The following AIG1 variants were observed in gnomAD, a reference collection of about 807,000 sequenced individuals.
The protein encoded by AIG1 is androgen induced 1.
In AIG1, 23 loss-of-function variants were observed where a neutral mutation model predicts 31.4. The observed-to-expected ratio is 0.73, with a 90% CI of 0.53 to 1.04. AIG1 has a LOEUF of 1.04. Ranked by LOEUF, AIG1 falls within the 50% of genes least tolerant of loss-of-function variation. The pLI is 0.00. For missense variants in AIG1, 274 were observed against 295.0 expected, an observed-to-expected ratio of 0.93 and a Z score of 0.52; for synonymous variants, 100 against 110.5, an observed-to-expected ratio of 0.90 and a Z score of 0.60.
At chr6:143,192,881 G>A (rs1296128350) in intron 3 of AIG1, among the ~76,000 whole-genome samples, 2 of 152,226 alleles carry the variant, frequency 1.3e-5, no homozygotes, top group African/African-American at 2.4e-5. Context: ...TGGATCTGGA[G>A]AGTGGAGTAC....
chr6:143,187,465 C>T (rs1012347567), intron 3 of AIG1: 39 of 1,535,324 alleles, frequency 2.5e-5, no homozygotes, highest in Admixed American at 9.8e-5. Context: ...GTTTGGCACT[C>T]GACACTCTGC....
intron 3 of AIG1, among the ~76,000 whole-genome samples, chr6:143,222,556 C>G (rs1792612855): frequency 6.6e-6 from 1 of 152,158 alleles, no homozygotes; most frequent in Admixed American, 6.5e-5. Context: ...TTGACCTTCC[C>G]TGGGCCTTAG....
intron 2 of AIG1, among the ~76,000 whole-genome samples, chr6:143,148,198 A>C (rs1784863943): frequency 6.6e-6 from 1 of 152,050 alleles, no homozygotes; most frequent in East Asian, 1.9e-4. Context: ...TGGTCCCATA[A>C]GATTATAAAC....
intron 5 of AIG1, chr6:143,335,161 G>A (rs1165356411): frequency 1.5e-6 from 2 of 1,345,844 alleles, no homozygotes; most frequent in East Asian, 5.9e-5. Flanking sequence ...ACAAACTGCT[G>A]GCCTCCCCCA....
intron 1 of AIG1, among the ~76,000 whole-genome samples, chr6:143,119,288 T>C (rs977913320): frequency 6.6e-6 from 1 of 152,224 alleles, no homozygotes; most frequent in Non-Finnish European, 1.5e-5. Flanking sequence ...AACCTTGCGG[T>C]GCATCTCTTT....
chr6:143,119,494 T>C (rs995140393), intron 1 of AIG1, among the ~76,000 whole-genome samples: 3 of 152,220 alleles, frequency 2.0e-5, no homozygotes, highest in East Asian at 1.9e-4. Flanking sequence ...ATGCATACTT[T>C]GGAAGTGAAC....
chr6:143,104,267 C>G (rs1356843433), intron 1 of AIG1, among the ~76,000 whole-genome samples: 2 of 152,186 alleles, frequency 1.3e-5, no homozygotes, highest in Non-Finnish European at 2.9e-5. Flanking sequence ...AGTTACCGTG[C>G]TTAGAGCCTA....
rs1798556353 is a variant in AIG1 at position 143,298,001 on chromosome 6, T to C, written c.515+13776T>C. Among the ~76,000 whole-genome samples the C allele has an allele frequency of 6.6e-6, 1 of 151,968 alleles. No individual in the cohort carries two copies. The highest frequency in any genetic ancestry group is 6.6e-5 in the Admixed American group (1 of 15,246). On this transcript the variant is annotated intron_variant, in intron 4 of 5. Transcript: ENST00000357847. This position sits in a 1 kb window ranked among gnomAD's most constrained non-coding sequence, Gnocchi z 5.1. Reference sequence around the variant, plus strand: ...CATAAATTAAAATGATGCATAAATTTACAGGTAAAAATACAAATCATTTTG... The same window carrying C: ...CATAAATTAAAATGATGCATAAATTCACAGGTAAAAATACAAATCATTTTG...
chr6:143,085,950 A>G (rs1323355665), intron 1 of AIG1, among the ~76,000 whole-genome samples: 1 of 152,262 alleles, frequency 6.6e-6, no homozygotes, highest in Non-Finnish European at 1.5e-5. Flanking sequence ...ATGTTAAATC[A>G]ACTTTTTCTA....
intron 1 of AIG1, among the ~76,000 whole-genome samples, chr6:143,096,902 A>C (rs545362029): frequency 3.5e-4 from 53 of 152,186 alleles, no homozygotes; most frequent in Non-Finnish European, 5.3e-4. Context: ...ATTTTTATTG[A>C]AAGTCAACCT....
intron 1 of AIG1, chr6:143,094,470 T>G (rs1779574653): frequency 6.6e-6 from 1 of 152,226 alleles, no homozygotes; most frequent in Non-Finnish European, 1.5e-5. Flanking sequence ...CTGTAGTTTC[T>G]ATTTTATGTA....
downstream of AIG1, chr6:143,342,958 A>C: frequency 2.0e-6 from 2 of 985,964 alleles, no homozygotes; most frequent in Non-Finnish European, 3.3e-6. Context: ...TATAGTGAAC[A>C]TTCTGGGTCA....
At chr6:143,165,219 T>TA (rs756976087) in intron 3 of AIG1, 36 bp downstream of exon 3, 6 of 1,503,612 alleles carry the variant, frequency 4.0e-6, no homozygotes, top group East Asian at 2.3e-5. Context: ...TCTTTTATTT[T>TA]AAAAAATCTA....
intron 1 of AIG1, among the ~76,000 whole-genome samples, chr6:143,076,260 T>A (rs1344105131): frequency 6.6e-6 from 1 of 152,228 alleles, no homozygotes; most frequent in Non-Finnish European, 1.5e-5. Flanking sequence ...TAAAAGTACA[T>A]ACACATTTGG....
rs141986715 is a variant in AIG1 at position 143,075,681 on chromosome 6, T to G, written c.141+14615T>G. 6.0e-3 allele frequency among the ~76,000 whole-genome samples: 907 copies of G among 152,328 alleles called. 13 individuals carry two copies. The highest frequency in any genetic ancestry group is 0.018 in the African/African-American group (765 of 41,580). ...TTGTTTTGTTCTTCTTTAACTAATT[T>G]CTTAATGGGGAAGCTTACATGATTA... On this transcript the variant is annotated intron_variant, in intron 1 of 5. Coordinates refer to ENST00000357847, the MANE Select transcript of AIG1 (RefSeq NM_016108.4).
chr6:143,280,708 C>G lies in AIG1; in HGVS notation c.400-3402C>G, dbSNP rs1797287360. Among the ~76,000 whole-genome samples the G allele has an allele frequency of 2.0e-5, 3 of 152,118 alleles. No individual in the cohort carries two copies. Among genetic ancestry groups the G allele is most frequent in the African/African-American group, 7.2e-5 (3 of 41,422 alleles). Reference sequence around the variant, plus strand: ...AACACAAAGAAGGAAATAACAGACACTGGGGTCTACTTGAGGGGGAGGTTG... The same window carrying G: ...AACACAAAGAAGGAAATAACAGACAGTGGGGTCTACTTGAGGGGGAGGTTG... On this transcript the variant is annotated intron_variant, in intron 3 of 5. Coordinates refer to ENST00000357847, the MANE Select transcript of AIG1 (RefSeq NM_016108.4). The surrounding 1 kb of genome is among the most constrained non-coding windows in gnomAD (Gnocchi z 4.1).
intron 1 of AIG1, among the ~76,000 whole-genome samples, chr6:143,097,909 T>C (rs970618693): frequency 1.3e-5 from 2 of 152,196 alleles, no homozygotes; most frequent in Non-Finnish European, 2.9e-5. Flanking sequence ...AGGACAACTC[T>C]TCCATGTATA....
chr6:143,180,574 T>A (rs1788628346), intron 3 of AIG1, among the ~76,000 whole-genome samples: 1 of 152,204 alleles, frequency 6.6e-6, no homozygotes, highest in South Asian at 2.1e-4. Context: ...TGAGCTTCAG[T>A]GATGCTATAA....
intron 4 of AIG1, among the ~76,000 whole-genome samples, chr6:143,294,412 C>T (rs1798280920): frequency 6.6e-6 from 1 of 152,190 alleles, no homozygotes; most frequent in Non-Finnish European, 1.5e-5. Context: ...ATAGTGGATT[C>T]ATGAGCCAGA....
Sources: gnomAD v4.1 joint callset for allele counts (sites outside exome capture counted in the v4.1 genomes callset) on GRCh38, gnomAD v4.1.1 for gene constraint, Gnocchi (gnomAD v3.1) non-coding constraint, MANE v1.5 for transcripts, NCBI Gene and HGNC (gene_info 2026-07-23, HGNC 2026-07-21) for gene names.